PCDH9: variants seen among roughly 807,000 people sequenced by gnomAD.
PCDH9 encodes the protein protocadherin-9.
Under a neutral mutation model 70.6 loss-of-function variants are expected in PCDH9, and 24 were observed. That is an observed-to-expected ratio of 0.34 (90% CI 0.25 to 0.48). The LOEUF (loss-of-function observed/expected upper bound fraction) is 0.48, where lower values mean the gene tolerates loss of function less well. Ranked by LOEUF, PCDH9 falls within the 20% of genes least tolerant of loss-of-function variation. The pLI, the probability that PCDH9 is intolerant of heterozygous loss-of-function variation, is 0.99. For missense variants in PCDH9, 1,281 were observed against 1,503.6 expected (o/e 0.85, Z 2.45); for synonymous variants, 562 against 558.5 (o/e 1.01, Z -0.09).
intron 3 of PCDH9, among the ~76,000 whole-genome samples, chr13:66,849,505 T>TAG (rs1394148629): frequency 0.027 from 2,479 of 91,050 alleles, 37 homozygotes; most frequent in Non-Finnish European, 0.038. Flanking sequence ...TATATATATA[T>TAG]ATATATATAT....
Position 67,044,810 on chromosome 13 carries a change from G to C in PCDH9, c.3037-141205C>G, listed in dbSNP as rs193226712. Among the ~76,000 whole-genome samples, 17 of 152,178 alleles carry C rather than the reference G, an allele frequency of 1.1e-4. No individual in the cohort carries two copies. The East Asian group carries it at 3.1e-3, about 28-fold the overall frequency. Reference sequence around the variant, plus strand: ...TCAGTTTGCATCAGGATTTCAGCAGGGGAGAGAAAATGAATGAAATGGGAA... The same window carrying C: ...TCAGTTTGCATCAGGATTTCAGCAGCGGAGAGAAAATGAATGAAATGGGAA... On this transcript the variant is annotated intron_variant, in intron 2 of 4. Transcript: ENST00000377865.
chr13:66,680,449 T>A (rs1352611610), intron 3 of PCDH9, among the ~76,000 whole-genome samples: 1 of 152,014 alleles, frequency 6.6e-6, no homozygotes, highest in Non-Finnish European at 1.5e-5. Context: ...TTTATTTGAA[T>A]TAGTATATTT....
At chr13:66,928,287 G>A (rs935957682) in intron 2 of PCDH9, among the ~76,000 whole-genome samples, 3 of 152,014 alleles carry the variant, frequency 2.0e-5, no homozygotes, top group Non-Finnish European at 4.4e-5. Flanking sequence ...ATAACAGGGT[G>A]GGGTCATGAT....
At chr13:66,585,314 A>C (rs2076948045) in intron 4 of PCDH9, among the ~76,000 whole-genome samples, 1 of 152,110 alleles carries the variant, frequency 6.6e-6, no homozygotes, top group South Asian at 2.1e-4. Flanking sequence ...TGAGAAATTG[A>C]AACTAGTTAG....
chr13:66,970,398 G>A (rs564953522), intron 2 of PCDH9, among the ~76,000 whole-genome samples: 47 of 151,950 alleles, frequency 3.1e-4, no homozygotes, highest in Non-Finnish European at 1.6e-4. Context: ...GGGGGCCAAG[G>A]AGGGTGGATC....
intron 4 of PCDH9, among the ~76,000 whole-genome samples, chr13:66,500,674 ATCAGTT>A (rs1959172430): frequency 6.6e-6 from 1 of 152,128 alleles, no homozygotes; most frequent in South Asian, 2.1e-4. Context: ...CTATTTTATT[ATCAGTT>A]TCCAAAGAAG....
chr13:66,899,770 G>A (rs2082247441), intron 3 of PCDH9, among the ~76,000 whole-genome samples: 2 of 151,830 alleles, frequency 1.3e-5, no homozygotes, highest in African/African-American at 2.4e-5. Context: ...TTTTTATTCC[G>A]GTGCTTCGAT....
intron 2 of PCDH9, among the ~76,000 whole-genome samples, chr13:66,911,618 A>G (rs1257451096): frequency 1.3e-5 from 2 of 152,136 alleles, no homozygotes; most frequent in Non-Finnish European, 2.9e-5. Flanking sequence ...TTCAAACACT[A>G]ATGGTCTACA....
intron 2 of PCDH9, among the ~76,000 whole-genome samples, chr13:67,010,925 G>A (rs2084440421): frequency 6.6e-6 from 1 of 151,798 alleles, no homozygotes; most frequent in South Asian, 2.1e-4. Context: ...CCCTTCTATG[G>A]ATTCAAAAGA....
At chr13:66,789,987 C>A (rs757441235) in intron 3 of PCDH9, among the ~76,000 whole-genome samples, 18 of 152,026 alleles carry the variant, frequency 1.2e-4, no homozygotes, top group Non-Finnish European at 2.2e-4. Context: ...GGGCATCTAT[C>A]TTCTAATGCA....
intron 3 of PCDH9, among the ~76,000 whole-genome samples, chr13:66,640,895 T>G (rs1335918251): frequency 3.3e-5 from 5 of 152,148 alleles, no homozygotes; most frequent in African/African-American, 1.2e-4. Flanking sequence ...TTTTTCTTTT[T>G]TATGGAGTCT....
At chr13:66,625,136 G>A (rs142008854) in intron 4 of PCDH9, among the ~76,000 whole-genome samples, 1 of 151,944 alleles carries the variant, frequency 6.6e-6, no homozygotes, top group African/African-American at 2.4e-5. Flanking sequence ...CACTATCAAT[G>A]ATAACTTTCT....
chr13:67,018,434 C>G (rs990100228), intron 2 of PCDH9, among the ~76,000 whole-genome samples: 3 of 151,986 alleles, frequency 2.0e-5, no homozygotes, highest in Non-Finnish European at 4.4e-5. Flanking sequence ...TCCTGGTCAA[C>G]ATAGTGAAAC....
At chr13:66,961,338 T>C (rs2139725330) in intron 2 of PCDH9, among the ~76,000 whole-genome samples, 1 of 152,326 alleles carries the variant, frequency 6.6e-6, no homozygotes, top group Admixed American at 6.5e-5. Flanking sequence ...GCCACTTTTG[T>C]GTCAACATTG....
intron 3 of PCDH9, among the ~76,000 whole-genome samples, chr13:66,857,482 G>A (rs1276158905): frequency 6.6e-6 from 1 of 152,094 alleles, no homozygotes; most frequent in Non-Finnish European, 1.5e-5. Flanking sequence ...AGCAGTCTAT[G>A]AAAATGTAGG....
intron 3 of PCDH9, among the ~76,000 whole-genome samples, chr13:66,726,998 G>A (rs1472963225): frequency 3.3e-5 from 5 of 152,146 alleles, no homozygotes; most frequent in Non-Finnish European, 7.4e-5. Context: ...TGGCTCATGC[G>A]CATAATCCAG....
chr13:66,719,642 T>A (rs2078915816), intron 3 of PCDH9, among the ~76,000 whole-genome samples: 2 of 152,320 alleles, frequency 1.3e-5, no homozygotes, highest in Admixed American at 1.3e-4. Context: ...ATTGGACCAG[T>A]TTGAACAACA....
intron 4 of PCDH9, among the ~76,000 whole-genome samples, chr13:66,395,621 A>AATAC (rs1458395924): frequency 2.0e-5 from 3 of 151,906 alleles, no homozygotes; most frequent in Non-Finnish European, 4.4e-5. Context: ...TAAATAAATA[A>AATAC]ATAAAATAAA....
chr13:66,415,603 C>T (rs1957447521), intron 4 of PCDH9, among the ~76,000 whole-genome samples: 1 of 152,148 alleles, frequency 6.6e-6, no homozygotes, highest in South Asian at 2.1e-4. Context: ...TTCCCTTATC[C>T]TTCTCTGTCT....
Sources: allele counts gnomAD v4.1 joint callset (sites outside exome capture counted in the v4.1 genomes callset), GRCh38; gene constraint gnomAD v4.1.1; transcripts MANE v1.5; gene names NCBI Gene and HGNC (gene_info 2026-07-23, HGNC 2026-07-21).